Variants in ZNF394 observed in about 807,000 individuals in gnomAD.
ZNF394 encodes zinc finger protein 394.
In ZNF394, 19 loss-of-function variants were observed where a neutral mutation model predicts 21.8. That is an observed-to-expected ratio of 0.87 (90% confidence interval 0.61 to 1.28). ZNF394 has a LOEUF of 1.28. ZNF394 is among the 50% of genes most tolerant of loss of function. ZNF394 has a pLI of 0.00. For synonymous variants in ZNF394, 294 were observed against 273.3 expected, an observed-to-expected ratio of 1.08 and a Z score of -0.75; for missense variants, 683 against 708.6, an observed-to-expected ratio of 0.96 and a Z score of 0.41.
At chr7:99,498,891 A>C in intron 1 of ZNF394, 49 bp from the exon 2 acceptor site, 1 of 1,564,804 alleles carries the variant, frequency 6.4e-7, no homozygotes, top group South Asian at 1.2e-5. Flanking sequence ...CCTGTACAGC[A>C]CTAACACTCT....
rs1800215940 is a variant in ZNF394, at chr7:99,493,728, G to A, written c.1487C>T (p.Pro496Leu). ...TTTCCCACAGACGGAACATCCATAG[G>A]GCTTCTCCCCAGTGTGGATTCTGTG... ...KHHRIHTGEK[P>L]YGCSVCGKRF... The change falls in exon 3 of 3, where the codon CCC becomes CTC. Residue 496 changes from proline (P) to leucine (L), a missense_variant. Transcript: ENST00000337673. The A allele has an allele frequency of 6.2e-7, 1 of 1,614,052 alleles. No individual in the cohort carries two copies. The highest frequency in any genetic ancestry group is 2.2e-5 in the East Asian group (1 of 44,900).
chr7:99,499,699 C>G lies in ZNF394; in HGVS notation c.395G>C (p.Gly132Ala). Reference protein sequence around the residue: ...AWVREHCPESGEEAVAVVRAL... With the variant: ...AWVREHCPESAEEAVAVVRAL... Reference sequence around the variant, plus strand: ...CCGCACCACGGCCACCGCCTCCTCCCCGCTCTCTGGGCAGTGCTCTCGCAC... The same window carrying G: ...CCGCACCACGGCCACCGCCTCCTCCGCGCTCTCTGGGCAGTGCTCTCGCAC... The change falls in exon 1 of 3, where the codon GGG becomes GCG. Residue 132 changes from glycine (G) to alanine (A), a missense_variant. Physicochemically the swap from Gly to Ala is moderately conservative, Grantham distance 60. Coordinates refer to ENST00000337673, the MANE Select transcript of ZNF394 (RefSeq NM_032164.4). 1 of 1,613,022 alleles carries G rather than the reference C, an allele frequency of 6.2e-7. No individual in the cohort carries two copies. Among genetic ancestry groups the G allele is most frequent in the Non-Finnish European group, 8.5e-7 (1 of 1,179,884 alleles).
At chr7:99,492,227 T>C (rs1166631987), downstream of ZNF394, among the ~76,000 whole-genome samples, 1 of 152,148 alleles carries the variant, frequency 6.6e-6, no homozygotes, top group African/African-American at 2.4e-5. Flanking sequence ...ACCAGATCTT[T>C]TGGGGATTAT....
intron 1 of ZNF394, chr7:99,487,591 G>C (rs1459100565): frequency 7.2e-7 from 1 of 1,397,836 alleles, no homozygotes; most frequent in East Asian, 2.4e-5. Context: ...TGTAACAAAG[G>C]GTTTTTCTAT....
downstream of ZNF394, among the ~76,000 whole-genome samples, chr7:99,489,376 T>C (rs539747194): frequency 3.9e-5 from 6 of 152,224 alleles, no homozygotes; most frequent in Admixed American, 2.0e-4. Flanking sequence ...ACACCTTCTG[T>C]GGGCTTCATC....
chr7:99,491,395 C>CACTTGT (rs1800157299), downstream of ZNF394, among the ~76,000 whole-genome samples: 2 of 152,096 alleles, frequency 1.3e-5, no homozygotes, highest in African/African-American at 4.8e-5. Flanking sequence ...TGGTCTTTGA[C>CACTTGT]ACTTGTTCCT....
chr7:99,492,740 G>C (rs1375459300), downstream of ZNF394, among the ~76,000 whole-genome samples: 1 of 150,488 alleles, frequency 6.6e-6, no homozygotes, highest in Non-Finnish European at 1.5e-5. Context: ...AGGATTCCTT[G>C]AGCCCAGGAG....
chr7:99,492,543 G>A (rs932608015), downstream of ZNF394, among the ~76,000 whole-genome samples: 10 of 151,222 alleles, frequency 6.6e-5, no homozygotes, highest in Non-Finnish European at 1.3e-4. Context: ...GGAAGGCTGA[G>A]GCAGGAGAAT....
chr7:99,492,408 G>A (rs1279780697), downstream of ZNF394, among the ~76,000 whole-genome samples: 12 of 151,958 alleles, frequency 7.9e-5, no homozygotes, highest in Admixed American at 2.0e-4. Flanking sequence ...GGGAGGCTGA[G>A]GTGGGCGGAC....
exon 2 of ZNF394, chr7:99,486,699 T>C: frequency 1.9e-6 from 3 of 1,614,154 alleles, no homozygotes; most frequent in Middle Eastern, 3.3e-4. Context: ...TTATTCAAGA[T>C]CAGAATGCGC....
At position 99,487,375 on chromosome 7, in the gene ZNF394, G is replaced by A. The variant is rs748573694; in HGVS notation, n.84-412C>T. ...TAAGAGGAATCTTTTTCGACATCAG[G>A]TCATTCACACTGGAAGCCAACCCTA... On this transcript the variant is annotated intron_variant and non_coding_transcript_variant, in intron 1 of 1. Coordinates refer to the ZNF394 transcript ENST00000462024. 4.3e-6 allele frequency: 7 copies of A among 1,614,208 alleles called. No individual in the cohort carries two copies. The South Asian group carries it at 6.6e-5, about 15-fold the overall frequency.
At chr7:99,488,501 CAA>C (rs879418719), downstream of ZNF394, among the ~76,000 whole-genome samples, 4 of 123,742 alleles carry the variant, frequency 3.2e-5, no homozygotes, top group Admixed American at 8.2e-5. Context: ...GACTCCATCT[CAA>C]AAAAAAAAAA....
intron 1 of ZNF394, chr7:99,487,402 C>T: frequency 6.2e-7 from 1 of 1,614,192 alleles, no homozygotes; most frequent in Non-Finnish European, 8.5e-7. Flanking sequence ...CCAACCCTAC[C>T]AATGTGTCAT....
At position 99,493,712 on chromosome 7, in the gene ZNF394, G is replaced by C; in HGVS notation, c.1503C>G (p.Val501=). 1.2e-6 allele frequency: 2 copies of C among 1,614,140 alleles called. No individual in the cohort carries two copies. The highest frequency in any genetic ancestry group is 1.7e-6 in the Non-Finnish European group (2 of 1,180,028). ...HTGEKPYGCS[V]CGKRFNQSAT... ...CACTCTGATTGAAGCGTTTCCCACAGACGGAACATCCATAGGGCTTCTCCC... is the reference window on the plus strand; with the variant it reads ...CACTCTGATTGAAGCGTTTCCCACACACGGAACATCCATAGGGCTTCTCCC... The change falls in exon 3 of 3, where the codon GTC becomes GTG. Residue 501 remains valine (V), a synonymous_variant. Transcript: ENST00000337673.
At chr7:99,486,643 A>G (rs1343276838) in exon 2 of ZNF394, 4 of 1,614,116 alleles carry the variant, frequency 2.5e-6, no homozygotes, top group African/African-American at 1.3e-5. Flanking sequence ...TACTTTCCCT[A>G]CTAGTGGTGA....
chr7:99,493,515 C>T lies in ZNF394; in HGVS notation c.*14G>A, dbSNP rs1800208741. Reference sequence around the variant, plus strand: ...CAAATGATCTGCCTGCCTTGGCCTCCCAAAGTGCTGGGATTATAGGCGTGA... The same window carrying T: ...CAAATGATCTGCCTGCCTTGGCCTCTCAAAGTGCTGGGATTATAGGCGTGA... On this transcript the variant is annotated 3_prime_UTR_variant, in exon 3 of 3. Coordinates refer to ENST00000337673, the MANE Select transcript of ZNF394 (RefSeq NM_032164.4). The T allele has an allele frequency of 6.4e-7, 1 of 1,569,512 alleles. No individual in the cohort carries two copies. The highest frequency in any genetic ancestry group is 8.6e-7 in the Non-Finnish European group (1 of 1,157,538).
At chr7:99,499,403 AAAAAAAAAAGAAAAG>A (rs954005055) in intron 1 of ZNF394, among the ~76,000 whole-genome samples, 3 of 151,566 alleles carry the variant, frequency 2.0e-5, no homozygotes, top group African/African-American at 7.3e-5. Context: ...AACAAGAAAA[AAAAAAAAAAGAAAAG>A]AAAAAGAAAG....
At chr7:99,491,274 C>G (rs1316900394), downstream of ZNF394, among the ~76,000 whole-genome samples, 1 of 152,158 alleles carries the variant, frequency 6.6e-6, no homozygotes, top group Non-Finnish European at 1.5e-5. Flanking sequence ...CTTGTGATAT[C>G]ATGATAAATA....
intron 1 of ZNF394, 73 bp from the exon 2 acceptor site, chr7:99,498,915 AC>A (rs1800421680): frequency 6.6e-7 from 1 of 1,525,034 alleles, no homozygotes. Flanking sequence ...TGAGTCTTGT[AC>A]CGACAAGGGA....
Sources: allele counts gnomAD v4.1 joint callset (sites outside exome capture counted in the v4.1 genomes callset), GRCh38; gene constraint gnomAD v4.1.1; transcripts MANE v1.5; gene names NCBI Gene and HGNC (gene_info 2026-07-23, HGNC 2026-07-21).